The following SERPINF1 variants were observed in gnomAD, a reference collection of about 807,000 sequenced individuals.
The protein encoded by SERPINF1 is pigment epithelium-derived factor.
A neutral mutation model predicts 37.3 loss-of-function variants in SERPINF1; 29 were observed. The ratio of observed to expected loss-of-function variants is 0.78; its 90% CI spans 0.58 to 1.06. The LOEUF (loss-of-function observed/expected upper bound fraction) is 1.06. SERPINF1 is among the 50% of genes least tolerant of loss of function. The pLI, the probability that SERPINF1 is intolerant of heterozygous loss-of-function variation, is 0.00. For missense variants in SERPINF1, 553 were observed against 532.2 expected, an observed-to-expected ratio of 1.04 and a Z score of -0.38; for synonymous variants, 281 against 227.9, an observed-to-expected ratio of 1.23 and a Z score of -2.10.
chr17:1,763,162 G>C (rs1016547147), intron 1 of SERPINF1, among the ~76,000 whole-genome samples: 2 of 152,222 alleles, frequency 1.3e-5, no homozygotes, highest in African/African-American at 2.4e-5. Flanking sequence ...AGCCAGGGGA[G>C]GGGGAGGTGC....
chr17:1,763,996 A>T (rs903390076), intron 1 of SERPINF1, among the ~76,000 whole-genome samples: 4 of 152,252 alleles, frequency 2.6e-5, no homozygotes, highest in African/African-American at 9.6e-5. Context: ...CAGCCTGGCC[A>T]ACACGGTGAA....
At chr17:1,768,352 A>G (rs1907511534) in intron 2 of SERPINF1, among the ~76,000 whole-genome samples, 2 of 145,998 alleles carry the variant, frequency 1.4e-5, no homozygotes, top group South Asian at 4.4e-4. Flanking sequence ...AATGGCGTGA[A>G]CCCGGGAGGT....
Position 1,776,683 on chromosome 17 carries a change from C to T in SERPINF1, c.938C>T (p.Thr313Ile). 3 of 1,613,476 alleles carry T rather than the reference C, an allele frequency of 1.9e-6. No homozygotes were observed. Among genetic ancestry groups the T allele is most frequent in the East Asian group, 2.2e-5 (1 of 44,814 alleles). Residue 313 changes from threonine to isoleucine, a missense_variant, in exon 7 of 8, where the codon ACT becomes ATT. Transcript: ENST00000254722. ...RELKTVQAVL[T>I]VPKLKLSYEG... ...CTGAAGACCGTGCAGGCGGTCCTCA[C>T]TGTCCCCAAGCTGAAGCTGAGTTAT...
At chr17:1,763,493 T>C (rs1226595394) in intron 1 of SERPINF1, among the ~76,000 whole-genome samples, 1 of 152,204 alleles carries the variant, frequency 6.6e-6, no homozygotes, top group African/African-American at 2.4e-5. Flanking sequence ...GGCATCATTG[T>C]CTGTGGCTGC....
intron 1 of SERPINF1, 35 bp from the exon 2 acceptor site, chr17:1,766,868 G>T (rs982304712): frequency 1.3e-6 from 2 of 1,539,028 alleles, no homozygotes; most frequent in Admixed American, 3.9e-5. Flanking sequence ...CAGTGTCGGG[G>T]GAGAGCGGCT....
intron 1 of SERPINF1, among the ~76,000 whole-genome samples, chr17:1,763,386 G>A (rs1053925182): frequency 6.6e-6 from 1 of 152,216 alleles, no homozygotes; most frequent in African/African-American, 2.4e-5. Flanking sequence ...AATAAGGCCT[G>A]ACCTTGGCCC....
rs767940756 is a variant in SERPINF1, at chr17:1,775,077, T to G, written c.663T>G (p.Phe221Leu). 4 of 1,614,134 alleles carry G rather than the reference T, an allele frequency of 2.5e-6. No individual in the cohort carries two copies. The highest frequency in any genetic ancestry group is 1.7e-5 in the Admixed American group (1 of 60,012). ...AHFKGQWVTKFDSRKTSLEDF... is the reference protein window; with the variant it reads ...AHFKGQWVTKLDSRKTSLEDF... ...TTCCAGGGCAGTGGGTAACAAAGTT[T>G]GACTCCAGAAAGACTTCCCTCGAGG... Residue 221 changes from phenylalanine (F) to leucine (L), a missense_variant, in exon 6 of 8, where the codon TTT becomes TTG. Transcript: ENST00000254722.
At chr17:1,768,860 C>T (rs953874118) in intron 2 of SERPINF1, among the ~76,000 whole-genome samples, 3 of 152,054 alleles carry the variant, frequency 2.0e-5, no homozygotes, top group African/African-American at 4.8e-5. Context: ...GGCTGGAGTA[C>T]AGTGGCACTA....
In SERPINF1 at chr17:1,771,272, G is replaced by A. The variant is rs570985607; in HGVS notation, c.439+88G>A. On this transcript the variant is annotated intron_variant, in intron 4 of 7. Coordinates refer to ENST00000254722, the MANE Select transcript of SERPINF1 (RefSeq NM_002615.7). ...GGTCTTTTTTTTTTTTTTTTGAGAC[G>A]GAGTCTCGCTCTGTTGCCCAGGCTG... is the stretch of plus-strand genomic sequence containing the variant. The A allele has an allele frequency of 1.2e-4, 156 of 1,333,074 alleles. 2 individuals carry two copies. In the South Asian group the frequency reaches 1.8e-3, roughly 15 times the overall value. 82.6% of individuals were successfully genotyped at this position (1,333,074 alleles called of 1,614,324 possible). A position where few individuals can be genotyped will look rare whatever the true frequency, so the allele number is the denominator to read the frequency against.
rs761557470 is a variant in SERPINF1 at position 1,771,855 on chromosome 17, G to C, written c.440-17G>C. On this transcript the variant is annotated splice_polypyrimidine_tract_variant and intron_variant, in intron 4 of 7. Coordinates refer to ENST00000254722, the MANE Select transcript of SERPINF1 (RefSeq NM_002615.7). ...CGTCGAGTCTCATACGCTAACCTCT[G>C]CTCCGCCTCTTCTCAGAGCTGCGCA... The C allele has an allele frequency of 8.1e-6, 13 of 1,608,378 alleles. No homozygotes were observed. In the East Asian group the frequency reaches 2.5e-4, roughly 30 times the overall value.
chr17:1,771,864 C>G lies in SERPINF1; in HGVS notation c.440-8C>G. On this transcript the variant is annotated splice_polypyrimidine_tract_variant and splice_region_variant and intron_variant, in intron 4 of 7. Transcript: ENST00000254722. ...TCATACGCTAACCTCTGCTCCGCCTCTTCTCAGAGCTGCGCATAAAATCCA... is the reference window on the plus strand; with the variant it reads ...TCATACGCTAACCTCTGCTCCGCCTGTTCTCAGAGCTGCGCATAAAATCCA... 1 of 1,610,808 alleles carries G rather than the reference C, an allele frequency of 6.2e-7. No homozygotes were observed. The highest frequency in any genetic ancestry group is 1.1e-5 in the South Asian group (1 of 91,004).
chr17:1,769,175 C>G (rs970843195), intron 2 of SERPINF1, among the ~76,000 whole-genome samples: 1 of 149,052 alleles, frequency 6.7e-6, no homozygotes, highest in Non-Finnish European at 1.5e-5. Flanking sequence ...TTTGGTAGAC[C>G]GAGGCGGGTG....
At chr17:1,769,545 AC>A in intron 2 of SERPINF1, 1 of 461,448 alleles carries the variant, frequency 2.2e-6, no homozygotes. Context: ...AATCGCTTGA[AC>A]CGGGGAGGTG....
At position 1,777,521 on chromosome 17, in the gene SERPINF1, C is replaced by T. The variant is rs1908121711; in HGVS notation, c.*75C>T. On this transcript the variant is annotated 3_prime_UTR_variant, in exon 8 of 8. Transcript: ENST00000254722. ...AGATTCCACAGGACACGAAGGCTGCCCCTGTAAGGTTTCAATGCATACAAT... is the reference window on the plus strand; with the variant it reads ...AGATTCCACAGGACACGAAGGCTGCTCCTGTAAGGTTTCAATGCATACAAT... 8 of 1,587,994 alleles carry T rather than the reference C, an allele frequency of 5.0e-6. No individual in the cohort carries two copies. In the Admixed American group the frequency reaches 1.3e-4, roughly 27 times the overall value.
In SERPINF1 at chr17:1,775,206, T is replaced by C. The variant is rs1907956047; in HGVS notation, c.786+6T>C. Reference sequence around the variant, plus strand: ...ATTCAGATCTCAGCTGCAAGGTCTGTAGGGATAGGGGCAGGGTGGGGGGTG... The same window carrying C: ...ATTCAGATCTCAGCTGCAAGGTCTGCAGGGATAGGGGCAGGGTGGGGGGTG... On this transcript the variant is annotated splice_donor_region_variant and intron_variant, in intron 6 of 7. Transcript: ENST00000254722. The C allele has an allele frequency of 6.2e-7, 1 of 1,609,940 alleles. No individual in the cohort carries two copies. The highest frequency in any genetic ancestry group is 1.1e-5 in the South Asian group (1 of 91,032).
chr17:1,773,588 T>C (rs1443745380), intron 5 of SERPINF1, among the ~76,000 whole-genome samples: 2 of 152,246 alleles, frequency 1.3e-5, no homozygotes, highest in Non-Finnish European at 2.9e-5. Context: ...CTGTACTAGC[T>C]GAGGAACTCT....
intron 2 of SERPINF1, among the ~76,000 whole-genome samples, chr17:1,768,186 C>T (rs578028609): frequency 1.6e-3 from 248 of 152,062 alleles, no homozygotes; most frequent in Middle Eastern, 3.4e-3. Context: ...AATCCCAGCA[C>T]TTTGGGAGGC....
intron 4 of SERPINF1, 133 bp from the exon 5 acceptor site, chr17:1,771,739 G>A (rs1907748761): frequency 1.2e-6 from 1 of 852,600 alleles, no homozygotes; most frequent in Admixed American, 2.0e-5. Flanking sequence ...GTCCTGGCAA[G>A]TCACAGGAAG....
chr17:1,771,963 G>T lies in SERPINF1; in HGVS notation c.531G>T (p.Leu177=), dbSNP rs757361248. 1.9e-6 allele frequency: 3 copies of T among 1,613,838 alleles called. No individual in the cohort carries two copies. The African/African-American group carries it at 4.0e-5, about 22-fold the overall frequency. Residue 177 remains leucine, a synonymous_variant, in exon 5 of 8, where the codon CTG becomes CTT. Coordinates refer to ENST00000254722, the MANE Select transcript of SERPINF1 (RefSeq NM_002615.7). The part of the protein sequence containing the change: ...RVLTGNPRLD[L]QEINNWVQAQ... ...TGACGGGCAACCCTCGCTTGGACCT[G>T]CAAGAGATCAACAACTGGGTGCAGG...
Sources: allele counts gnomAD v4.1 joint callset (sites outside exome capture counted in the v4.1 genomes callset), GRCh38; gene constraint gnomAD v4.1.1; transcripts MANE v1.5; gene names NCBI Gene and HGNC (gene_info 2026-07-23, HGNC 2026-07-21).